TMEM116: variants seen among roughly 807,000 people sequenced by gnomAD.
TMEM116 encodes transmembrane protein 116.
A neutral mutation model predicts 44.3 loss-of-function variants in TMEM116; 38 were observed. That is an observed-to-expected ratio of 0.86 (90% confidence interval 0.66 to 1.12). TMEM116 has a LOEUF of 1.12. Among genes scored for constraint, TMEM116 ranks in the 50% most tolerant of loss-of-function variants. The pLI is 0.00. For synonymous variants in TMEM116, 132 were observed against 144.8 expected (o/e 0.91, Z 0.64); for missense variants, 354 against 401.7 (o/e 0.88, Z 1.01).
At chr12:111,970,877 C>A (rs565947205) in intron 4 of TMEM116, among the ~76,000 whole-genome samples, 5 of 152,236 alleles carry the variant, frequency 3.3e-5, no homozygotes, top group Admixed American at 3.3e-4. Flanking sequence ...CAGGCGTGAG[C>A]CACCATGCCC....
Position 111,931,790 on chromosome 12 carries a change from C to T in TMEM116, c.845G>A (p.Gly282Glu). 1.3e-6 allele frequency: 2 copies of T among 1,575,768 alleles called. No homozygotes were observed. The highest frequency in any genetic ancestry group is 1.7e-6 in the Non-Finnish European group (2 of 1,162,396). Residue 282 changes from glycine to glutamate, a missense_variant, in exon 11 of 11, where the codon GGA becomes GAA. Gly to Glu is a moderately conservative substitution (Grantham distance 98). Coordinates refer to ENST00000552374, the MANE Select transcript of TMEM116 (RefSeq NM_001193531.2). ...TATSQGLLNCGVYGWTQHKFH... is the reference protein window; with the variant it reads ...TATSQGLLNCEVYGWTQHKFH... The stretch of plus-strand genomic sequence containing the variant: ...TTTGTGCTGCGTCCAGCCATATACT[C>T]CACAGTTGAGTAGACCCTGAGATGT...
At chr12:111,993,683 C>T in intron 3 of TMEM116, 1 of 604,540 alleles carries the variant, frequency 1.7e-6, no homozygotes, top group Non-Finnish European at 3.2e-6. Context: ...ATGAAGTTTG[C>T]CTGCTTTTAA....
At position 111,997,121 on chromosome 12, in the gene TMEM116, A is replaced by G. The variant is rs145616136; in HGVS notation, c.79-5232T>C. 1.3e-4 allele frequency among the ~76,000 whole-genome samples: 20 copies of G among 152,348 alleles called. No homozygotes were observed. The East Asian group carries it at 3.7e-3, about 28-fold the overall frequency. The stretch of plus-strand genomic sequence containing the variant: ...GTGATTGGGAAGAACCTCAATAGGT[A>G]TATGTCTGGAAGTACAGGTAATGTT... On this transcript the variant is annotated intron_variant, in intron 3 of 10. Coordinates refer to ENST00000552374, the MANE Select transcript of TMEM116 (RefSeq NM_001193531.2).
intron 4 of TMEM116, among the ~76,000 whole-genome samples, chr12:111,951,792 C>T (rs2073752818): frequency 6.6e-6 from 1 of 151,878 alleles, no homozygotes; most frequent in African/African-American, 2.4e-5. Flanking sequence ...AACAAACCTG[C>T]CCATGTACCC....
chr12:111,997,556 T>TA (rs945921952), intron 3 of TMEM116, among the ~76,000 whole-genome samples: 7 of 149,990 alleles, frequency 4.7e-5, no homozygotes, highest in African/African-American at 9.8e-5. Context: ...TCCTGTTATC[T>TA]AAAAAAAAAC....
chr12:111,950,327 G>A (rs568675406), intron 4 of TMEM116, among the ~76,000 whole-genome samples: 1 of 152,028 alleles, frequency 6.6e-6, no homozygotes, highest in South Asian at 2.1e-4. Flanking sequence ...AGAAACAATG[G>A]AATAAGACTC....
At chr12:111,958,083 G>T (rs369121218) in intron 4 of TMEM116, among the ~76,000 whole-genome samples, 1 of 151,754 alleles carries the variant, frequency 6.6e-6, no homozygotes, top group Non-Finnish European at 1.5e-5. Context: ...CAGCATGCTC[G>T]TTAAGAGTCA....
intron 3 of TMEM116, among the ~76,000 whole-genome samples, chr12:112,003,044 C>T (rs1246049861): frequency 1.3e-5 from 2 of 152,136 alleles, no homozygotes; most frequent in Non-Finnish European, 2.9e-5. Context: ...TCTGTTTTCA[C>T]CATAAAATTG....
At chr12:111,978,661 C>G (rs1467142610) in intron 4 of TMEM116, 1 of 289,992 alleles carries the variant, frequency 3.4e-6, no homozygotes, top group Non-Finnish European at 7.1e-6. Context: ...AGGGCTTGCT[C>G]TCTGTCTCTT....
chr12:111,955,627 A>G (rs756923173), intron 4 of TMEM116, among the ~76,000 whole-genome samples: 1 of 152,234 alleles, frequency 6.6e-6, no homozygotes, highest in Non-Finnish European at 1.5e-5. Flanking sequence ...CACAAAAGAA[A>G]TAGTACTTGG....
At chr12:111,996,001 C>T (rs904874699) in intron 3 of TMEM116, among the ~76,000 whole-genome samples, 2 of 144,086 alleles carry the variant, frequency 1.4e-5, no homozygotes, top group Non-Finnish European at 3.0e-5. Flanking sequence ...GATTGCATCA[C>T]TGCACTTCAG....
At chr12:111,964,842 C>T (rs537441814) in intron 4 of TMEM116, among the ~76,000 whole-genome samples, 2 of 150,886 alleles carry the variant, frequency 1.3e-5, no homozygotes, top group South Asian at 2.1e-4. Flanking sequence ...TGCGCACCAC[C>T]ATGCCCAGCT....
chr12:112,001,948 C>T (rs1009986528), intron 3 of TMEM116, among the ~76,000 whole-genome samples: 4 of 152,192 alleles, frequency 2.6e-5, no homozygotes, highest in Admixed American at 1.3e-4. Context: ...CAAATTCCAG[C>T]TCCAACACTT....
At chr12:112,004,803 GTTTT>G (rs1283441023) in intron 2 of TMEM116, among the ~76,000 whole-genome samples, 2 of 151,446 alleles carry the variant, frequency 1.3e-5, no homozygotes, top group East Asian at 3.9e-4. Context: ...TTTTTTGTTT[GTTTT>G]GTTTTGTTTT....
intron 4 of TMEM116, among the ~76,000 whole-genome samples, chr12:111,965,913 G>A (rs535300400): frequency 1.3e-5 from 2 of 152,242 alleles, no homozygotes; most frequent in African/African-American, 4.8e-5. Flanking sequence ...TCCAGCCTGG[G>A]TGAAGGAGTG....
intron 4 of TMEM116, among the ~76,000 whole-genome samples, chr12:111,979,516 G>T (rs1206769241): frequency 6.6e-6 from 1 of 152,122 alleles, no homozygotes; most frequent in Non-Finnish European, 1.5e-5. Context: ...TCCTTTTAGT[G>T]TATTGAAAAT....
chr12:111,933,971 C>T lies in TMEM116; in HGVS notation c.648G>A (p.Leu216=), dbSNP rs185564927. The change falls in exon 9 of 11, where the codon CTG becomes CTA. Residue 216 remains leucine (L), a synonymous_variant. Transcript: ENST00000552374. ...YKKFVKSTGF[L]GSEQWAVIHI... is the part of the protein sequence containing the mutation. Reference sequence around the variant, plus strand: ...GAATCACTGCCCACTGTTCACTCCCCAGAAAGCCAGTTGACTTCACAAACT... The same window carrying T: ...GAATCACTGCCCACTGTTCACTCCCTAGAAAGCCAGTTGACTTCACAAACT... 1.2e-6 allele frequency: 2 copies of T among 1,614,170 alleles called. No homozygotes were observed. Among genetic ancestry groups the T allele is most frequent in the African/African-American group, 1.3e-5 (1 of 75,046 alleles).
chr12:111,971,843 C>G lies in TMEM116; in HGVS notation c.210+19915G>C, dbSNP rs185276908. On this transcript the variant is annotated intron_variant, in intron 4 of 10. Coordinates refer to ENST00000552374, the MANE Select transcript of TMEM116 (RefSeq NM_001193531.2). ...TAATCCCAGCACTTTGAAAGGCTCA[C>G]TTGTGTAAGGATTGCTTGAGGCCAA... Among the ~76,000 whole-genome samples the G allele has an allele frequency of 2.6e-5, 4 of 152,084 alleles. No individual in the cohort carries two copies. In the East Asian group the frequency reaches 7.7e-4, roughly 29 times the overall value.
At chr12:111,992,269 CTT>C (rs534630152) in intron 3 of TMEM116, among the ~76,000 whole-genome samples, 50 of 139,170 alleles carry the variant, frequency 3.6e-4, no homozygotes, top group Admixed American at 2.9e-4. Context: ...ACATCTTCTA[CTT>C]TTTTTTTTTT....
Sources: gnomAD v4.1 joint callset for allele counts (sites outside exome capture counted in the v4.1 genomes callset) on GRCh38, gnomAD v4.1.1 for gene constraint, MANE v1.5 for transcripts, NCBI Gene and HGNC (gene_info 2026-07-23, HGNC 2026-07-21) for gene names.